The following EVL variants were observed in gnomAD, a reference collection of about 807,000 sequenced individuals.
EVL encodes the protein Enah/Vasp-like, also known as ena/VASP-like protein.
In EVL, 21 loss-of-function variants were observed where a neutral mutation model predicts 59.6. That is an observed-to-expected ratio of 0.35 (90% CI 0.25 to 0.51). The LOEUF (loss-of-function observed/expected upper bound fraction) is 0.51. Among genes scored for constraint, EVL ranks in the 20% least tolerant of loss-of-function variants. The probability of loss-of-function intolerance (pLI) is 0.97; values close to 1 mark genes in which losing one functional copy is unlikely to be tolerated. For synonymous variants in EVL, 198 were observed against 203.5 expected (o/e 0.97, Z 0.23); for missense variants, 462 against 546.6 (o/e 0.85, Z 1.54).
chr14:100,118,422 G>C (rs1040462086), intron 3 of EVL, among the ~76,000 whole-genome samples: 28 of 152,186 alleles, frequency 1.8e-4, no homozygotes, highest in Non-Finnish European at 3.4e-4. Flanking sequence ...TTTTGAAAAG[G>C]TACAATACAA....
chr14:100,020,841 CGT>C (rs934070731), intron 1 of EVL, among the ~76,000 whole-genome samples: 3 of 152,138 alleles, frequency 2.0e-5, no homozygotes, highest in Non-Finnish European at 4.4e-5. Context: ...TTTGTTTAGT[CGT>C]GTGTCTCTGC....
At chr14:100,116,116 A>C (rs912780467) in intron 3 of EVL, among the ~76,000 whole-genome samples, 1 of 152,164 alleles carries the variant, frequency 6.6e-6, no homozygotes, top group Non-Finnish European at 1.5e-5. Flanking sequence ...TCTCGCTTAG[A>C]CACTTGCTCG....
chr14:100,018,567 C>T (rs1213349459), intron 1 of EVL, among the ~76,000 whole-genome samples: 1 of 152,148 alleles, frequency 6.6e-6, no homozygotes, highest in Non-Finnish European at 1.5e-5. Context: ...AGCAATTTTC[C>T]TAAGGCCAGA....
At chr14:100,141,368 C>A in intron 12 of EVL, 122 bp downstream of exon 12, 2 of 1,029,276 alleles carry the variant, frequency 1.9e-6, no homozygotes, top group South Asian at 3.0e-5. Context: ...AAAGGCCAGT[C>A]AGGGAGCAGC....
intron 1 of EVL, among the ~76,000 whole-genome samples, chr14:100,051,706 A>G (rs989572304): frequency 2.6e-5 from 4 of 152,326 alleles, no homozygotes; most frequent in African/African-American, 7.2e-5. Context: ...TTAGCACAGC[A>G]GTCTTCAAAC....
upstream of EVL, among the ~76,000 whole-genome samples, chr14:100,064,801 T>C (rs2140268807): frequency 6.6e-6 from 1 of 152,252 alleles, no homozygotes; most frequent in East Asian, 1.9e-4. Flanking sequence ...TCCCAGCTAC[T>C]CAGGAGGCTG....
chr14:100,106,165 C>T (rs1055045924), intron 3 of EVL: 3 of 152,298 alleles, frequency 2.0e-5, no homozygotes, highest in South Asian at 2.1e-4. Context: ...GATCATCCTG[C>T]GCAGTGAAGT....
chr14:100,136,092 G>A, intron 9 of EVL, 124 bp downstream of exon 9: 1 of 1,107,354 alleles, frequency 9.0e-7, no homozygotes, highest in Non-Finnish European at 1.3e-6. Context: ...CCAGGCCACA[G>A]GGAAGCCCAT....
intron 7 of EVL, among the ~76,000 whole-genome samples, chr14:100,131,529 A>G (rs577335719): frequency 3.9e-4 from 60 of 152,238 alleles, no homozygotes; most frequent in Non-Finnish European, 7.1e-4. Context: ...AGGGAAATGA[A>G]CGTGGACAGA....
rs190934974 is a variant in EVL, at chr14:100,112,003, C to T, written c.359-11536C>T. Among the ~76,000 whole-genome samples the T allele has an allele frequency of 6.7e-3, 1,022 of 152,318 alleles. 4 individuals carry two copies. The highest frequency in any genetic ancestry group is 0.011 in the Non-Finnish European group (715 of 68,032). On this transcript the variant is annotated intron_variant, in intron 3 of 13. Coordinates refer to ENST00000392920, the MANE Select transcript of EVL (RefSeq NM_016337.3). ...ATTATTATAAACACTTAACCTGCCC[C>T]ATCTTTCTAGCCACATACCCACATC... is the stretch of plus-strand genomic sequence containing the variant.
chr14:100,084,663 C>T (rs1378668041), intron 1 of EVL, 24 bp from the exon 2 acceptor site: 2 of 1,611,880 alleles, frequency 1.2e-6, no homozygotes, highest in Non-Finnish European at 8.5e-7. Context: ...CTGAGGCTGA[C>T]ACCAGTTTTT....
intron 1 of EVL, among the ~76,000 whole-genome samples, chr14:100,046,565 T>G (rs2061549014): frequency 6.6e-6 from 1 of 151,156 alleles, no homozygotes; most frequent in Non-Finnish European, 1.5e-5. Context: ...TACTCGGGAG[T>G]CTGAGGTGGG....
chr14:99,994,772 G>C (rs766911995), intron 1 of EVL, among the ~76,000 whole-genome samples: 12 of 152,068 alleles, frequency 7.9e-5, no homozygotes, highest in Non-Finnish European at 1.6e-4. Context: ...GTTTCATGAT[G>C]CTATTTAACA....
chr14:100,120,785 C>T (rs1263479994), intron 3 of EVL, among the ~76,000 whole-genome samples: 1 of 152,076 alleles, frequency 6.6e-6, no homozygotes, highest in Non-Finnish European at 1.5e-5. Flanking sequence ...CTGTGCAGGT[C>T]ATGTCTGTGT....
At chr14:99,980,723 G>C (rs537395798) in intron 1 of EVL, among the ~76,000 whole-genome samples, 1 of 152,204 alleles carries the variant, frequency 6.6e-6, no homozygotes, top group Non-Finnish European at 1.5e-5. Flanking sequence ...TAGGGATTCC[G>C]TGTGTATCTT....
At chr14:100,040,202 A>T (rs2061447484) in intron 1 of EVL, among the ~76,000 whole-genome samples, 1 of 152,184 alleles carries the variant, frequency 6.6e-6, no homozygotes, top group Non-Finnish European at 1.5e-5. Context: ...CCCTTACTAC[A>T]GATTTTTACC....
chr14:100,072,822 C>T (rs1045665785), intron 1 of EVL, among the ~76,000 whole-genome samples: 3 of 152,156 alleles, frequency 2.0e-5, no homozygotes, highest in Non-Finnish European at 4.4e-5. Context: ...AAAACAGCTT[C>T]AAAGCAGGAA....
intron 9 of EVL, among the ~76,000 whole-genome samples, chr14:100,136,379 T>G (rs948338668): frequency 3.9e-5 from 6 of 152,198 alleles, no homozygotes; most frequent in Non-Finnish European, 8.8e-5. Context: ...TGACCGACAT[T>G]ACAGAGATGG....
At chr14:100,073,334 T>G (rs1228535235) in intron 1 of EVL, among the ~76,000 whole-genome samples, 142 of 151,260 alleles carry the variant, frequency 9.4e-4, no homozygotes, top group Non-Finnish European at 4.4e-4. Context: ...TTTTTTTTTT[T>G]TTGGGGAGAC....
Sources: allele counts gnomAD v4.1 joint callset (sites outside exome capture counted in the v4.1 genomes callset), GRCh38; gene constraint gnomAD v4.1.1; transcripts MANE v1.5; gene names NCBI Gene and HGNC (gene_info 2026-07-23, HGNC 2026-07-21).